Variants in ZNF385D observed in about 807,000 individuals in gnomAD.
The protein encoded by ZNF385D is zinc finger protein 385D.
In ZNF385D, 15 loss-of-function variants were observed where a neutral mutation model predicts 35.8. The ratio of observed to expected loss-of-function variants is 0.42; its 90% CI spans 0.28 to 0.64. The LOEUF (loss-of-function observed/expected upper bound fraction) is 0.64, where lower values mean the gene tolerates loss of function less well. Ranked by LOEUF, ZNF385D falls within the 30% of genes least tolerant of loss-of-function variation. The pLI, the probability that ZNF385D is intolerant of heterozygous loss-of-function variation, is 0.23. For synonymous variants in ZNF385D, 212 were observed against 186.8 expected, an observed-to-expected ratio of 1.13 and a Z score of -1.10; for missense variants, 474 against 494.6, an observed-to-expected ratio of 0.96 and a Z score of 0.39.
Position 21,541,390 on chromosome 3 carries a change from A to AT in ZNF385D, c.276+23183dup, listed in dbSNP as rs1387892086. ...TCAAACTGCTCTAAAAATAAAGTTC[A>AT]TTTTTTCTACATAGACATTTTTGGC... On this transcript the variant is annotated intron_variant, in intron 3 of 7. Transcript: ENST00000281523. Among the ~76,000 whole-genome samples, 11 of 152,218 alleles carry AT rather than the reference A, an allele frequency of 7.2e-5. No individual in the cohort carries two copies. The East Asian group carries it at 1.5e-3, about 21-fold the overall frequency.
intron 3 of ZNF385D, among the ~76,000 whole-genome samples, chr3:22,085,982 G>A (rs999874760): frequency 5.3e-5 from 8 of 152,240 alleles, no homozygotes; most frequent in African/African-American, 1.9e-4. Flanking sequence ...TGCAGAAAAG[G>A]CCTTCGACAA....
chr3:21,524,146 G>A (rs1488170723), intron 3 of ZNF385D, among the ~76,000 whole-genome samples: 2 of 152,132 alleles, frequency 1.3e-5, no homozygotes, highest in African/African-American at 4.8e-5. Flanking sequence ...AGCATGAGTT[G>A]GGTTAGGATA....
At chr3:22,336,692 C>T (rs1428723743) in intron 2 of ZNF385D, among the ~76,000 whole-genome samples, 1 of 151,652 alleles carries the variant, frequency 6.6e-6, no homozygotes, top group Non-Finnish European at 1.5e-5. Flanking sequence ...TGTATCATTT[C>T]TATTATAAAA....
intron 3 of ZNF385D, among the ~76,000 whole-genome samples, chr3:22,157,323 T>G (rs1033532732): frequency 1.3e-5 from 2 of 152,136 alleles, no homozygotes; most frequent in African/African-American, 4.8e-5. Flanking sequence ...ACAATGTAAA[T>G]GCATGAAAAA....
intron 1 of ZNF385D, among the ~76,000 whole-genome samples, chr3:21,694,061 T>TTTTTTTTTTTTTTTTTTTTTTTTA (rs2067383430): frequency 3.2e-5 from 4 of 124,154 alleles, no homozygotes; most frequent in East Asian, 2.2e-4. Context: ...TTTTTTTTTT[T>TTTTTTTTTTTTTTTTTTTTTTTTA]GAGACAGAGT....
intron 3 of ZNF385D, among the ~76,000 whole-genome samples, chr3:22,162,073 C>T (rs1303483939): frequency 6.6e-6 from 1 of 152,124 alleles, no homozygotes; most frequent in African/African-American, 2.4e-5. Flanking sequence ...ACAGTTGATG[C>T]TAGTTCCCTT....
intron 3 of ZNF385D, among the ~76,000 whole-genome samples, chr3:21,765,143 A>G (rs1015595892): frequency 1.3e-5 from 2 of 152,122 alleles, no homozygotes; most frequent in African/African-American, 4.8e-5. Context: ...AATGTTTTAG[A>G]ATACAAAAGC....
chr3:21,619,253 T>G (rs1490550698), intron 2 of ZNF385D, among the ~76,000 whole-genome samples: 1 of 152,186 alleles, frequency 6.6e-6, no homozygotes, highest in East Asian at 1.9e-4. Context: ...TCTCATCTCC[T>G]CGCATGGCAG....
At chr3:21,850,784 C>A (rs1696335867) in intron 3 of ZNF385D, among the ~76,000 whole-genome samples, 1 of 152,092 alleles carries the variant, frequency 6.6e-6, no homozygotes, top group African/African-American at 2.4e-5. Flanking sequence ...AAAGAATAAA[C>A]TGGCCTTAGG....
In ZNF385D at chr3:22,230,374, G is replaced by C. The variant is rs139650597; in HGVS notation, c.107-61339C>G. The stretch of plus-strand genomic sequence containing the variant: ...TGGCTCACGTTACTTCCAGGCACCA[G>C]AAAGTCATGCCTAAGGGTTCCCATC... On this transcript the variant is annotated intron_variant, in intron 2 of 5. Transcript: ENST00000494108. Among the ~76,000 whole-genome samples the C allele has an allele frequency of 5.0e-3, 768 of 152,230 alleles. 2 individuals carry two copies. The highest frequency in any genetic ancestry group is 8.1e-3 in the Non-Finnish European group (552 of 68,004).
At chr3:21,703,574 A>G (rs577115763) in intron 1 of ZNF385D, among the ~76,000 whole-genome samples, 10 of 151,962 alleles carry the variant, frequency 6.6e-5, no homozygotes, top group African/African-American at 2.4e-4. Flanking sequence ...CACGCCATTT[A>G]TTTCTTGCTG....
chr3:22,232,693 C>T (rs1698964902), intron 2 of ZNF385D, among the ~76,000 whole-genome samples: 1 of 152,162 alleles, frequency 6.6e-6, no homozygotes, highest in African/African-American at 2.4e-5. Flanking sequence ...CCAGCTTCAT[C>T]CATGTCCCTG....
chr3:21,477,941 A>G (rs1299360122), intron 4 of ZNF385D, among the ~76,000 whole-genome samples: 1 of 152,170 alleles, frequency 6.6e-6, no homozygotes, highest in African/African-American at 2.4e-5. Flanking sequence ...GAATTTCTCT[A>G]CTATTACAAC....
chr3:22,256,281 A>T (rs184037096), intron 2 of ZNF385D, among the ~76,000 whole-genome samples: 176 of 151,144 alleles, frequency 1.2e-3, no homozygotes, highest in Non-Finnish European at 2.1e-3. Context: ...GTCCCTCTAG[A>T]GAACCCTAAT....
chr3:21,601,469 G>A (rs1186363270), intron 2 of ZNF385D, among the ~76,000 whole-genome samples: 1 of 152,200 alleles, frequency 6.6e-6, no homozygotes, highest in African/African-American at 2.4e-5. Context: ...GCTGTCCCAA[G>A]ATGGAGAAAA....
chr3:22,346,686 G>A (rs997910811), intron 2 of ZNF385D, among the ~76,000 whole-genome samples: 11 of 152,158 alleles, frequency 7.2e-5, no homozygotes, highest in African/African-American at 2.7e-4. Context: ...TTGTTCAAGA[G>A]TTAAGTGCTA....
chr3:22,128,168 A>T (rs1576366959), intron 3 of ZNF385D, among the ~76,000 whole-genome samples: 1 of 152,218 alleles, frequency 6.6e-6, no homozygotes, highest in East Asian at 1.9e-4. Context: ...TTCTAAGTTA[A>T]AAGTTTTTTT....
intron 3 of ZNF385D, among the ~76,000 whole-genome samples, chr3:22,144,467 C>T (rs189768947): frequency 8.2e-5 from 12 of 147,178 alleles, no homozygotes; most frequent in Admixed American, 6.3e-4. Context: ...CGAGCTACTG[C>T]GGAGGCTAAG....
intron 3 of ZNF385D, among the ~76,000 whole-genome samples, chr3:21,877,068 G>T (rs1221434637): frequency 6.6e-6 from 1 of 152,062 alleles, no homozygotes; most frequent in Admixed American, 6.6e-5. Flanking sequence ...CCCCTAGAGG[G>T]TTGTAACTAC....
Sources: allele counts gnomAD v4.1 joint callset (sites outside exome capture counted in the v4.1 genomes callset), GRCh38; gene constraint gnomAD v4.1.1; transcripts MANE v1.5; gene names NCBI Gene and HGNC (gene_info 2026-07-23, HGNC 2026-07-21).